Variants in PTPRD observed in about 807,000 individuals in gnomAD.
The protein encoded by PTPRD is protein tyrosine phosphatase receptor type D.
A neutral mutation model predicts 214.5 loss-of-function variants in PTPRD; 34 were observed. That is an observed-to-expected ratio of 0.16 (90% CI 0.12 to 0.21). The LOEUF (loss-of-function observed/expected upper bound fraction) is 0.21, where lower values mean the gene tolerates loss of function less well. Ranked by LOEUF, PTPRD falls within the 10% of genes least tolerant of loss-of-function variation. The probability of loss-of-function intolerance (pLI) is 1.00; values close to 1 mark genes in which losing one functional copy is unlikely to be tolerated. For synonymous variants in PTPRD, 1,128 were observed against 845.7 expected (o/e 1.33, Z -5.79); for missense variants, 2,545 against 2,398.7 (o/e 1.06, Z -1.27).
intron 3 of PTPRD, among the ~76,000 whole-genome samples, chr9:10,088,425 A>C (rs2154195848): frequency 6.6e-6 from 1 of 151,888 alleles, no homozygotes; most frequent in East Asian, 2.0e-4. Flanking sequence ...TGATCAGATA[A>C]TAGGACAAAT....
chr9:8,503,992 C>T (rs553808734), intron 23 of PTPRD, among the ~76,000 whole-genome samples: 5 of 152,278 alleles, frequency 3.3e-5, no homozygotes, highest in Admixed American at 3.3e-4. Flanking sequence ...GATCTAACTC[C>T]TTTAACCCAC....
intron 9 of PTPRD, among the ~76,000 whole-genome samples, chr9:9,300,865 G>A (rs907188994): frequency 6.6e-6 from 1 of 151,734 alleles, no homozygotes; most frequent in Non-Finnish European, 1.5e-5. Context: ...AAAATTAGGG[G>A]TACTTGCTTT....
At chr9:8,620,332 A>G (rs570103015) in intron 14 of PTPRD, among the ~76,000 whole-genome samples, 2 of 152,162 alleles carry the variant, frequency 1.3e-5, no homozygotes, top group South Asian at 4.1e-4. Context: ...CCTGCCTTCT[A>G]CCTGTCTCTT....
At chr9:8,675,586 C>A (rs923984204) in intron 12 of PTPRD, among the ~76,000 whole-genome samples, 1 of 149,274 alleles carries the variant, frequency 6.7e-6, no homozygotes, top group Non-Finnish European at 1.5e-5. Context: ...CAATCCTATT[C>A]CCTCCATCAC....
chr9:10,346,442 G>T (rs73644425), intron 2 of PTPRD, among the ~76,000 whole-genome samples: 1 of 152,010 alleles, frequency 6.6e-6, no homozygotes, highest in Admixed American at 6.6e-5. Context: ...AATAAAGACT[G>T]AAAAATTATA....
chr9:10,173,511 T>A (rs1351915644), intron 3 of PTPRD, among the ~76,000 whole-genome samples: 1 of 152,160 alleles, frequency 6.6e-6, no homozygotes, highest in Admixed American at 6.5e-5. Context: ...AAGGATAATG[T>A]CCCCAAATTT....
intron 8 of PTPRD, among the ~76,000 whole-genome samples, chr9:9,486,207 G>A (rs972146667): frequency 4.5e-4 from 53 of 117,116 alleles, no homozygotes; most frequent in Admixed American, 5.4e-4. Context: ...AAGTCACTAT[G>A]TGAGCTCCCT....
At chr9:8,521,919 A>G (rs1201448441) in intron 19 of PTPRD, among the ~76,000 whole-genome samples, 2 of 152,130 alleles carry the variant, frequency 1.3e-5, no homozygotes, top group African/African-American at 2.4e-5. Context: ...ATATGCAGAA[A>G]AGGGGGCTGG....
At chr9:10,018,634 G>A (rs1322067673) in intron 4 of PTPRD, among the ~76,000 whole-genome samples, 1 of 122,688 alleles carries the variant, frequency 8.2e-6, no homozygotes, top group African/African-American at 3.0e-5. Flanking sequence ...TGCAAGCTCC[G>A]CCTCCCGGGT....
intron 10 of PTPRD, among the ~76,000 whole-genome samples, chr9:9,087,364 C>G (rs1223419016): frequency 6.6e-6 from 1 of 152,002 alleles, no homozygotes; most frequent in African/African-American, 2.4e-5. Context: ...ACCTATTACC[C>G]ATGTGTGACC....
At chr9:9,864,531 T>G (rs2063516642) in intron 5 of PTPRD, among the ~76,000 whole-genome samples, 1 of 152,034 alleles carries the variant, frequency 6.6e-6, no homozygotes, top group Non-Finnish European at 1.5e-5. Context: ...TGTTTGTTTG[T>G]TTTTTGAGGC....
chr9:9,717,465 G>A (rs2097855367), intron 7 of PTPRD, among the ~76,000 whole-genome samples: 1 of 152,082 alleles, frequency 6.6e-6, no homozygotes, highest in South Asian at 2.1e-4. Context: ...TCATGATATT[G>A]AGCTAAGAAG....
At chr9:10,073,277 A>T (rs2098067112) in intron 3 of PTPRD, among the ~76,000 whole-genome samples, 1 of 152,068 alleles carries the variant, frequency 6.6e-6, no homozygotes, top group Non-Finnish European at 1.5e-5. Flanking sequence ...CAAATTCAGG[A>T]AACAATCTCA....
intron 5 of PTPRD, among the ~76,000 whole-genome samples, chr9:9,811,782 C>A (rs968312220): frequency 1.3e-5 from 2 of 152,078 alleles, no homozygotes; most frequent in African/African-American, 4.8e-5. Context: ...GTTGAAATGA[C>A]AACAAAATAT....
chr9:8,901,052 A>G (rs2098664803), intron 11 of PTPRD, among the ~76,000 whole-genome samples: 2 of 152,314 alleles, frequency 1.3e-5, no homozygotes, highest in African/African-American at 4.8e-5. Context: ...GAGGAAAAGG[A>G]CAGTATCAGG....
intron 3 of PTPRD, among the ~76,000 whole-genome samples, chr9:10,188,236 T>C (rs1188347632): frequency 2.0e-5 from 3 of 152,134 alleles, no homozygotes; most frequent in African/African-American, 7.2e-5. Flanking sequence ...TCAAATATCC[T>C]AGATGACACT....
At chr9:8,411,545 C>G (rs1307466263) in intron 35 of PTPRD, among the ~76,000 whole-genome samples, 1 of 152,154 alleles carries the variant, frequency 6.6e-6, no homozygotes, top group Non-Finnish European at 1.5e-5. Context: ...CTTAAGTGAT[C>G]CACCTGCCTT....
At chr9:9,425,420 AT>A (rs2080461688) in intron 8 of PTPRD, among the ~76,000 whole-genome samples, 1 of 6,522 alleles carries the variant, frequency 1.5e-4, no homozygotes, top group African/African-American at 6.1e-4. Context: ...AATATATAAT[AT>A]TATAATATCT....
chr9:8,902,283 C>A (rs1156597924), intron 11 of PTPRD, among the ~76,000 whole-genome samples: 1 of 151,980 alleles, frequency 6.6e-6, no homozygotes, highest in Non-Finnish European at 1.5e-5. Context: ...ATGCACACCT[C>A]ATGACCCAAC....
Sources: gnomAD v4.1 joint callset for allele counts (sites outside exome capture counted in the v4.1 genomes callset) on GRCh38, gnomAD v4.1.1 for gene constraint, MANE v1.5 for transcripts, NCBI Gene and HGNC (gene_info 2026-07-23, HGNC 2026-07-21) for gene names.